Variants in CNBP observed in about 807,000 individuals in gnomAD.
The protein encoded by CNBP is CCHC-type zinc finger nucleic acid binding protein, also known as cellular nucleic acid-binding protein.
CNBP carries 6 observed loss-of-function variants against 21.2 expected under a neutral mutation model. The observed-to-expected ratio is 0.28, with a 90% CI of 0.16 to 0.56. CNBP has a LOEUF of 0.56. Ranked by LOEUF, CNBP falls within the 20% of genes least tolerant of loss-of-function variation. The pLI is 0.93. For missense variants in CNBP, 112 were observed against 233.1 expected (o/e 0.48, Z 3.38); for synonymous variants, 61 against 74.9 (o/e 0.81, Z 0.96).
At chr3:129,177,256 G>C (rs954882138) in intron 1 of CNBP, among the ~76,000 whole-genome samples, 1 of 152,182 alleles carries the variant, frequency 6.6e-6, no homozygotes, top group Non-Finnish European at 1.5e-5. Flanking sequence ...TTGGGTTTGT[G>C]TTTTCTCTGG....
intron 1 of CNBP, among the ~76,000 whole-genome samples, chr3:129,177,016 A>G (rs1365354021): frequency 6.6e-6 from 1 of 152,166 alleles, no homozygotes; most frequent in Non-Finnish European, 1.5e-5. Context: ...GACAACTAAA[A>G]AAGCCAGCAA....
intron 2 of CNBP, 45 bp from the exon 3 acceptor site, chr3:129,171,583 T>G: frequency 6.2e-7 from 1 of 1,614,168 alleles, no homozygotes; most frequent in Non-Finnish European, 8.5e-7. Context: ...AGACCAGTCT[T>G]GATACTAACA....
At chr3:129,180,669 G>C (rs1036671925) in intron 1 of CNBP, among the ~76,000 whole-genome samples, 1 of 152,190 alleles carries the variant, frequency 6.6e-6, no homozygotes, top group Non-Finnish European at 1.5e-5. Flanking sequence ...TAAGGAAAGA[G>C]CGTTCTCCAC....
Position 129,170,534 on chromosome 3 carries a change from G to C in CNBP, c.453C>G (p.Ser151Arg). 6.2e-7 allele frequency: 1 copy of C among 1,614,186 alleles called. No homozygotes were observed. ...GGTAACAGTTGACTTCACTTGTCTT[G>C]CTGCAGTTGATGGCTACATGACCAG... ...GETGHVAINC[S>R]KTSEVNCYRC... The change falls in exon 5 of 5, where the codon AGC (serine) becomes AGG (arginine). Residue 151 changes from serine (S) to arginine (R), a missense_variant. Transcript: ENST00000422453.
Position 129,169,779 on chromosome 3 carries a change from T to A in CNBP, c.*674A>T, listed in dbSNP as rs768953942. On this transcript the variant is annotated 3_prime_UTR_variant, in exon 5 of 5. Transcript: ENST00000422453. The stretch of plus-strand genomic sequence containing the variant: ...GCAATTCCTGAATAGCTCCAAATTA[T>A]GCTAACTCTGAGCATTGATGTTTAC... 3 of 221,968 alleles carry A rather than the reference T, an allele frequency of 1.4e-5. No individual in the cohort carries two copies. Among genetic ancestry groups the A allele is most frequent in the Admixed American group, 5.8e-5 (1 of 17,366 alleles). The allele number at this position is 221,968 out of a possible 1,614,324, so 13.7% of individuals were successfully genotyped here.
At chr3:129,178,909 C>CT (rs558645888) in intron 1 of CNBP, among the ~76,000 whole-genome samples, 8 of 151,184 alleles carry the variant, frequency 5.3e-5, no homozygotes, top group Admixed American at 1.3e-4. Context: ...CGCCTGGCTA[C>CT]TTTTTTTTTG....
rs1937503614 is a variant in CNBP at position 129,168,462 on chromosome 3, T to G, written c.*1991A>C. 8.2e-6 allele frequency among the ~76,000 whole-genome samples: 1 copy of G among 122,180 alleles called. No individual in the cohort carries two copies. Among genetic ancestry groups the G allele is most frequent in the Non-Finnish European group, 1.6e-5 (1 of 62,312 alleles). 80.2% of individuals were successfully genotyped at this position (122,180 alleles called of 152,430 possible). A position where few individuals can be genotyped will look rare whatever the true frequency, so the allele number is the denominator to read the frequency against. On this transcript the variant is annotated 3_prime_UTR_variant, in exon 5 of 5. Coordinates refer to ENST00000422453, the MANE Select transcript of CNBP (RefSeq NM_003418.5). Reference sequence around the variant, plus strand: ...AATAACAAAAATTAGCTGGGTGTGGTGGCGGACACCTGTAATCCCAGCTAT... The same window carrying G: ...AATAACAAAAATTAGCTGGGTGTGGGGGCGGACACCTGTAATCCCAGCTAT...
At position 129,171,215 on chromosome 3, in the gene CNBP, G is replaced by A; in HGVS notation, c.280C>T (p.Arg94Ter). The change falls in exon 4 of 5, where the codon CGA (arginine) becomes TGA (stop). Residue 94 changes from arginine (R) to a stop codon, truncating the protein, a stop_gained. Transcript: ENST00000422453. LOFTEE classifies it high-confidence loss of function. ...AKDCKEPKRE[R>*]EQCCYNCGKP... Reference sequence around the variant, plus strand: ...CCACAGTTGTAGCAGCATTGCTCTCGCTCTCTCTTGGGCTCCTTGCAGTCC... The same window carrying A: ...CCACAGTTGTAGCAGCATTGCTCTCACTCTCTCTTGGGCTCCTTGCAGTCC... The A allele has an allele frequency of 1.2e-6, 2 of 1,614,222 alleles. No individual in the cohort carries two copies. The highest frequency in any genetic ancestry group is 1.7e-5 in the Admixed American group (1 of 60,020).
At position 129,172,681 on chromosome 3, in the gene CNBP, CAGACAGACAGACAG is replaced by C. The variant is rs1241619194; in HGVS notation, c.-14-924_-14-911del. 2.8e-3 allele frequency among the ~76,000 whole-genome samples: 323 copies of C among 115,418 alleles called. 2 individuals are homozygous for C. Among genetic ancestry groups the C allele is most frequent in the African/African-American group, 0.01 (303 of 29,616 alleles). The allele number at this position is 115,418 out of a possible 152,430, so 75.7% of individuals were successfully genotyped here. A position where few individuals can be genotyped will look rare whatever the true frequency, so the allele number is the denominator to read the frequency against. The stretch of plus-strand genomic sequence containing the variant: ...GCAGACAGACAGACAGACAGACAGA[CAGACAGACAGACAG>C]ACACACACACACACACACACACACA... On this transcript the variant is annotated intron_variant, in intron 1 of 4. Coordinates refer to ENST00000422453, the MANE Select transcript of CNBP (RefSeq NM_003418.5).
chr3:129,170,804 G>T (rs1246869834), intron 4 of CNBP, among the ~76,000 whole-genome samples: 1 of 152,150 alleles, frequency 6.6e-6, no homozygotes, highest in East Asian at 1.9e-4. Context: ...AGCTTTCTAT[G>T]AAGTCTCTGG....
intron 1 of CNBP, 125 bp from the exon 2 acceptor site, chr3:129,171,896 A>T: frequency 9.3e-7 from 1 of 1,074,020 alleles, no homozygotes; most frequent in Non-Finnish European, 1.3e-6. Context: ...GGTTAAAAAA[A>T]TAGCTGGGCA....
At position 129,169,230 on chromosome 3, in the gene CNBP, G is replaced by A. The variant is rs1003523267; in HGVS notation, c.*1223C>T. On this transcript the variant is annotated 3_prime_UTR_variant, in exon 5 of 5. Coordinates refer to ENST00000422453, the MANE Select transcript of CNBP (RefSeq NM_003418.5). ...AATTGCTTGAACCCGGGAGGTGGAG[G>A]TTGCAGTGAGCCAAGCCTGCACTCC... 1.3e-5 allele frequency among the ~76,000 whole-genome samples: 2 copies of A among 152,168 alleles called. No homozygotes were observed. Among genetic ancestry groups the A allele is most frequent in the African/African-American group, 4.8e-5 (2 of 41,438 alleles).
chr3:129,170,621 T>C (rs772948528), intron 4 of CNBP, 51 bp from the exon 5 acceptor site: 3 of 1,432,948 alleles, frequency 2.1e-6, no homozygotes, highest in Non-Finnish European at 2.0e-6. Context: ...AAAAACTGTC[T>C]ACCAAAGCAA....
intron 1 of CNBP, among the ~76,000 whole-genome samples, chr3:129,181,787 CAA>C (rs1216129982): frequency 6.6e-6 from 1 of 151,566 alleles, no homozygotes; most frequent in African/African-American, 2.4e-5. Flanking sequence ...CAGAAAAACA[CAA>C]ACTGTTATTT....
Position 129,168,897 on chromosome 3 carries a change from C to T in CNBP, c.*1556G>A, listed in dbSNP as rs976441220. 1.3e-5 allele frequency among the ~76,000 whole-genome samples: 2 copies of T among 151,308 alleles called. No homozygotes were observed. The highest frequency in any genetic ancestry group is 6.6e-5 in the Admixed American group (1 of 15,146). ...GGATCACGAGGTCAGGAGATTGAGA[C>T]CATCCTGGCTAACACCGTGAAACCC... On this transcript the variant is annotated 3_prime_UTR_variant, in exon 5 of 5. Coordinates refer to ENST00000422453, the MANE Select transcript of CNBP (RefSeq NM_003418.5).
rs1937490179 is a variant in CNBP, at chr3:129,168,145, T to C, written c.*2308A>G. Reference sequence around the variant, plus strand: ...AATGAACTATATGATGCTAACCGCATTTAATTTCGAAGTGGGGGGAAACAG... The same window carrying C: ...AATGAACTATATGATGCTAACCGCACTTAATTTCGAAGTGGGGGGAAACAG... On this transcript the variant is annotated 3_prime_UTR_variant, in exon 5 of 5. Coordinates refer to ENST00000422453, the MANE Select transcript of CNBP (RefSeq NM_003418.5). Among the ~76,000 whole-genome samples, 1 of 152,118 alleles carries C rather than the reference T, an allele frequency of 6.6e-6. No individual in the cohort carries two copies. Among genetic ancestry groups the C allele is most frequent in the Admixed American group, 6.6e-5 (1 of 15,252 alleles).
At chr3:129,175,631 T>C (rs1262451840) in intron 1 of CNBP, among the ~76,000 whole-genome samples, 1 of 152,054 alleles carries the variant, frequency 6.6e-6, no homozygotes, top group Non-Finnish European at 1.5e-5. Context: ...GGTTTCACCA[T>C]GTTGGCCAGG....
Position 129,171,231 on chromosome 3 carries a change from C to T in CNBP, c.264G>A (p.Lys88=). 2 of 1,614,250 alleles carry T rather than the reference C, an allele frequency of 1.2e-6. No homozygotes were observed. Among genetic ancestry groups the T allele is most frequent in the South Asian group, 2.2e-5 (2 of 91,084 alleles). The change falls in exon 4 of 5, where the codon AAG becomes AAA. Residue 88 remains lysine (K), a synonymous_variant. Coordinates refer to ENST00000422453, the MANE Select transcript of CNBP (RefSeq NM_003418.5). The stretch of plus-strand genomic sequence containing the variant: ...ATTGCTCTCGCTCTCTCTTGGGCTC[C>T]TTGCAGTCCTTGGCAATGTGGCCAC... ...GRGGHIAKDC[K]EPKREREQCC...
intron 4 of CNBP, 136 bp downstream of exon 4, chr3:129,170,943 C>T: frequency 1.3e-6 from 1 of 792,408 alleles, no homozygotes; most frequent in Non-Finnish European, 2.0e-6. Context: ...CTGCCAGTTA[C>T]ATATGCTGAA....
Sources: allele counts gnomAD v4.1 joint callset (sites outside exome capture counted in the v4.1 genomes callset), GRCh38; gene constraint gnomAD v4.1.1; transcripts MANE v1.5; gene names NCBI Gene and HGNC (gene_info 2026-07-23, HGNC 2026-07-21).